Variants in GALNT11 observed in about 807,000 individuals in gnomAD.
GALNT11 encodes UDP-GalNAc:polypeptide N-acetylgalactosaminyltransferase 11.
In GALNT11, 47 loss-of-function variants were observed where a neutral mutation model predicts 72.7. That is an observed-to-expected ratio of 0.65 (90% CI 0.51 to 0.82). The LOEUF (loss-of-function observed/expected upper bound fraction) is 0.82, where lower values mean the gene tolerates loss of function less well. GALNT11 is among the 40% of genes least tolerant of loss of function. The pLI, the probability that GALNT11 is intolerant of heterozygous loss-of-function variation, is 0.00. For missense variants in GALNT11, 677 were observed against 778.4 expected, an observed-to-expected ratio of 0.87 and a Z score of 1.55; for synonymous variants, 270 against 286.6, an observed-to-expected ratio of 0.94 and a Z score of 0.58.
intron 1 of GALNT11, among the ~76,000 whole-genome samples, chr7:152,089,610 A>G (rs928040960): frequency 6.6e-6 from 1 of 152,216 alleles, no homozygotes; most frequent in Non-Finnish European, 1.5e-5. Context: ...GAAAAGAGGA[A>G]GTTGCTTATG....
In GALNT11 at chr7:152,072,876, C is replaced by T. The variant is rs1436310980; in HGVS notation, c.-38-21314C>T. On this transcript the variant is annotated intron_variant, in intron 1 of 11. Transcript: ENST00000430044. ...CTTGTGGCAGGATTGCTGACGGGCA[C>T]CACCCTTTCTGCAGAGAGTAAACAT... Among the ~76,000 whole-genome samples the T allele has an allele frequency of 2.6e-5, 4 of 152,178 alleles. No individual in the cohort carries two copies. In the East Asian group the frequency reaches 5.8e-4, roughly 22 times the overall value.
At position 152,122,283 on chromosome 7, in the gene GALNT11, A is replaced by G. The variant is rs1263623433; in HGVS notation, c.*606A>G. 6.6e-6 allele frequency: 1 copy of G among 152,248 alleles called. No homozygotes were observed. Among genetic ancestry groups the G allele is most frequent in the African/African-American group, 2.4e-5 (1 of 41,460 alleles). The allele number at this position is 152,248 out of a possible 1,614,324, so 9.4% of individuals were successfully genotyped here. On this transcript the variant is annotated 3_prime_UTR_variant, in exon 12 of 12. Transcript: ENST00000430044. ...TTATAAGACAGTATGGCAGTTAATTATAAAATTATTTTGATGAATTATGAT... is the reference window on the plus strand; with the variant it reads ...TTATAAGACAGTATGGCAGTTAATTGTAAAATTATTTTGATGAATTATGAT...
chr7:152,038,918 T>C (rs1244981860), intron 1 of GALNT11, among the ~76,000 whole-genome samples: 2 of 152,232 alleles, frequency 1.3e-5, no homozygotes, highest in East Asian at 3.8e-4. Context: ...GTTTGTAGAG[T>C]GGCCTTCTAG....
chr7:152,102,999 C>T, intron 3 of GALNT11, 113 bp from the exon 4 acceptor site: 1 of 937,214 alleles, frequency 1.1e-6, no homozygotes, highest in Non-Finnish European at 1.5e-6. Context: ...AAAAAAAAGG[C>T]AGGGGGTGGG....
rs192486505 is a variant in GALNT11 at position 152,035,950 on chromosome 7, G to T, written c.-39+10066G>T. ...TGGCCTCCCTCTTGATCTTCAGGGG[G>T]TGTCTTCTGCCCAGCTCTCTTCTTG... On this transcript the variant is annotated intron_variant, in intron 1 of 11. Coordinates refer to ENST00000430044, the MANE Select transcript of GALNT11 (RefSeq NM_022087.4). Among the ~76,000 whole-genome samples the T allele has an allele frequency of 1.5e-3, 234 of 152,256 alleles. 2 individuals are homozygous for T. The highest frequency in any genetic ancestry group is 5.4e-3 in the African/African-American group (224 of 41,548).
At position 152,094,027 on chromosome 7, in the gene GALNT11, C is replaced by CT; in HGVS notation, c.-38-158dup. On this transcript the variant is annotated intron_variant, in intron 1 of 11. Coordinates refer to ENST00000430044, the MANE Select transcript of GALNT11 (RefSeq NM_022087.4). This position sits in a 1 kb window ranked among gnomAD's most constrained non-coding sequence, Gnocchi z 4.3. ...GGCCTGAGGTTTTCATTGTTGAACCCTTTTTAAAAACTCAGTACTATCCAT... is the reference window on the plus strand; with the variant it reads ...GGCCTGAGGTTTTCATTGTTGAACCCTTTTTTAAAAACTCAGTACTATCCAT... The CT allele has an allele frequency of 1.9e-6, 1 of 538,962 alleles. No individual in the cohort carries two copies. Among genetic ancestry groups the CT allele is most frequent in the Non-Finnish European group, 3.0e-6 (1 of 328,760 alleles). The allele number at this position is 538,962 out of a possible 1,614,324, so 33.4% of individuals were successfully genotyped here.
chr7:152,095,124 A>G (rs192419593), intron 2 of GALNT11, among the ~76,000 whole-genome samples: 78 of 152,292 alleles, frequency 5.1e-4, no homozygotes, highest in African/African-American at 1.6e-3. Flanking sequence ...AAGAATTACT[A>G]AGGTGCTAGA....
chr7:152,086,317 G>A (rs1042544153), intron 1 of GALNT11, among the ~76,000 whole-genome samples: 2 of 152,252 alleles, frequency 1.3e-5, no homozygotes, highest in Admixed American at 6.5e-5. Context: ...GAGCCACCGC[G>A]CCCAGCCCTA....
intron 1 of GALNT11, among the ~76,000 whole-genome samples, chr7:152,051,199 G>GTTTTTTTTTTT (rs35668155): frequency 2.1e-5 from 1 of 46,826 alleles, no homozygotes; most frequent in East Asian, 5.4e-4. Flanking sequence ...ATATCTGGTT[G>GTTTTTTTTTTT]TTTTTTTTTT....
At chr7:152,034,817 G>A (rs766607150) in intron 1 of GALNT11, among the ~76,000 whole-genome samples, 1 of 152,052 alleles carries the variant, frequency 6.6e-6, no homozygotes, top group African/African-American at 2.4e-5. Flanking sequence ...GAGGAAGGTC[G>A]GATTTAGTGG....
At chr7:152,087,224 A>G (rs944202159) in intron 1 of GALNT11, among the ~76,000 whole-genome samples, 1 of 152,256 alleles carries the variant, frequency 6.6e-6, no homozygotes, top group Non-Finnish European at 1.5e-5. Flanking sequence ...GGAATAAGGA[A>G]GACCAGGTTT....
At chr7:152,052,422 C>T (rs2083448968) in intron 1 of GALNT11, among the ~76,000 whole-genome samples, 1 of 151,928 alleles carries the variant, frequency 6.6e-6, no homozygotes. Context: ...ATACAGTATA[C>T]CTATATATAG....
At chr7:152,099,536 T>TG (rs2086650380) in intron 2 of GALNT11, among the ~76,000 whole-genome samples, 2 of 126,892 alleles carry the variant, frequency 1.6e-5, no homozygotes, top group South Asian at 2.7e-4. Flanking sequence ...CCTAGTTTTT[T>TG]TTTTTTTTTT....
intron 1 of GALNT11, among the ~76,000 whole-genome samples, chr7:152,067,210 G>A (rs1360140048): frequency 6.6e-6 from 1 of 152,160 alleles, no homozygotes; most frequent in Non-Finnish European, 1.5e-5. Context: ...CATACTATCT[G>A]TGCATATCAC....
chr7:152,055,520 C>CGTGTGTGTGT (rs3031460), intron 1 of GALNT11, among the ~76,000 whole-genome samples: 18 of 136,512 alleles, frequency 1.3e-4, no homozygotes, highest in Admixed American at 2.3e-4. Flanking sequence ...ATATATAAAG[C>CGTGTGTGTGT]GTGTGTGTGT....
intron 1 of GALNT11, among the ~76,000 whole-genome samples, chr7:152,035,633 A>C (rs2082536173): frequency 6.6e-6 from 1 of 152,238 alleles, no homozygotes; most frequent in Non-Finnish European, 1.5e-5. Flanking sequence ...CCGAAGAGTC[A>C]GGGGTTGTTA....
At chr7:152,092,668 A>G (rs2129036677) in intron 1 of GALNT11, among the ~76,000 whole-genome samples, 1 of 152,268 alleles carries the variant, frequency 6.6e-6, no homozygotes, top group Non-Finnish European at 1.5e-5. Context: ...GTACAAGAGA[A>G]CCTAATTTTT....
chr7:152,028,414 C>T (rs1471852038), intron 1 of GALNT11, among the ~76,000 whole-genome samples: 1 of 152,110 alleles, frequency 6.6e-6, no homozygotes, highest in African/African-American at 2.4e-5. Context: ...ATTTACAATC[C>T]TTTAGCTAGA....
intron 1 of GALNT11, among the ~76,000 whole-genome samples, chr7:152,077,128 G>A (rs2085032798): frequency 6.6e-6 from 1 of 152,180 alleles, no homozygotes; most frequent in South Asian, 2.1e-4. Context: ...TTGATTTGCT[G>A]ATGTTCTTTT....
Sources: gnomAD v4.1 joint callset for allele counts (sites outside exome capture counted in the v4.1 genomes callset) on GRCh38, gnomAD v4.1.1 for gene constraint, Gnocchi (gnomAD v3.1) non-coding constraint, MANE v1.5 for transcripts, NCBI Gene and HGNC (gene_info 2026-07-23, HGNC 2026-07-21) for gene names.